The following GARRE1 variants were observed in gnomAD, a reference collection of about 807,000 sequenced individuals.
GARRE1 encodes the protein granule associated Rac and RHOG effector protein 1.
A neutral mutation model predicts 103.2 loss-of-function variants in GARRE1; 49 were observed. That is an observed-to-expected ratio of 0.47 (90% confidence interval 0.38 to 0.60). The LOEUF is 0.60. Ranked by LOEUF, GARRE1 falls within the 20% of genes least tolerant of loss-of-function variation. GARRE1 has a pLI of 0.00. For missense variants in GARRE1, 1,199 were observed against 1,370.5 expected, an observed-to-expected ratio of 0.87 and a Z score of 1.98; for synonymous variants, 505 against 532.8, an observed-to-expected ratio of 0.95 and a Z score of 0.72.
At chr19:34,347,803 G>A (rs1397824973) in intron 10 of GARRE1, 74 bp from the exon 11 acceptor site, 19 of 1,360,510 alleles carry the variant, frequency 1.4e-5, no homozygotes, top group East Asian at 2.7e-5. Context: ...TGACCAGCAC[G>A]TTAGCAAAGC....
chr19:34,340,282 A>T (rs1220695837), intron 9 of GARRE1, among the ~76,000 whole-genome samples: 1 of 152,112 alleles, frequency 6.6e-6, no homozygotes, highest in Non-Finnish European at 1.5e-5. Context: ...CTCAACTCAT[A>T]TTCTCCTTAT....
intron 8 of GARRE1, 25 bp from the exon 9 acceptor site, chr19:34,339,842 C>G (rs1276105110): frequency 6.2e-7 from 1 of 1,613,712 alleles, no homozygotes; most frequent in African/African-American, 1.3e-5. Flanking sequence ...GCAGCCAAGA[C>G]TAATGCAGCC....
At chr19:34,319,790 A>G in intron 2 of GARRE1, 117 bp from the exon 3 acceptor site, 3 of 872,692 alleles carry the variant, frequency 3.4e-6, no homozygotes, top group Non-Finnish European at 5.7e-6. Context: ...TTAACTTTGT[A>G]TGATTTTGGA....
chr19:34,281,488 A>G (rs974550588), intron 1 of GARRE1, among the ~76,000 whole-genome samples: 19 of 152,242 alleles, frequency 1.2e-4, no homozygotes, highest in African/African-American at 3.6e-4. Flanking sequence ...ACGTGGTTTC[A>G]CCATATTGGC....
chr19:34,318,042 T>C (rs934559427), intron 2 of GARRE1, among the ~76,000 whole-genome samples: 2 of 152,210 alleles, frequency 1.3e-5, no homozygotes, highest in Non-Finnish European at 2.9e-5. Flanking sequence ...TGTCGGTTGT[T>C]GTTCCCTCTG....
At chr19:34,297,368 G>A (rs2073953028) in intron 1 of GARRE1, among the ~76,000 whole-genome samples, 1 of 152,196 alleles carries the variant, frequency 6.6e-6, no homozygotes, top group Admixed American at 6.5e-5. Context: ...AGCATTATAA[G>A]TTTCATTTAG....
chr19:34,304,786 TTTTA>T (rs566523454), intron 2 of GARRE1, among the ~76,000 whole-genome samples: 2,202 of 151,548 alleles, frequency 0.015, 24 homozygotes, highest in South Asian at 0.026. Flanking sequence ...TATTTTTATT[TTTTA>T]TTTATTTATT....
intron 3 of GARRE1, among the ~76,000 whole-genome samples, chr19:34,324,197 C>T (rs1046049539): frequency 9.9e-5 from 15 of 152,158 alleles, no homozygotes; most frequent in Non-Finnish European, 2.2e-4. Context: ...CAGAAAAGTC[C>T]ACTCTGCCCT....
rs542448325 is a variant in GARRE1, at chr19:34,312,772, C to T, written c.496-7135C>T. Among the ~76,000 whole-genome samples, 28 of 152,034 alleles carry T rather than the reference C, an allele frequency of 1.8e-4. 1 individual carries two copies. The South Asian group carries it at 5.0e-3, about 27-fold the overall frequency. On this transcript the variant is annotated intron_variant, in intron 2 of 13. Coordinates refer to ENST00000299505, the MANE Select transcript of GARRE1 (RefSeq NM_014686.5). ...TGAAACCCCATCTGTAGTAAAAATA[C>T]AAAAATTAGCTGGGCATGATGGTGA...
chr19:34,333,217 T>A (rs966287491), intron 7 of GARRE1, among the ~76,000 whole-genome samples: 1 of 152,144 alleles, frequency 6.6e-6, no homozygotes, highest in African/African-American at 2.4e-5. Context: ...ACTTTTTGTA[T>A]TTTTAGTGGA....
chr19:34,324,765 T>G (rs560891608), intron 3 of GARRE1, among the ~76,000 whole-genome samples: 22 of 152,314 alleles, frequency 1.4e-4, no homozygotes, highest in Admixed American at 3.9e-4. Context: ...TAAATGCACT[T>G]GAATCCCTTT....
At chr19:34,309,056 A>G (rs942797100) in intron 2 of GARRE1, among the ~76,000 whole-genome samples, 3 of 149,808 alleles carry the variant, frequency 2.0e-5, no homozygotes, top group African/African-American at 7.3e-5. Context: ...TAATATTAAT[A>G]ATATTCTACT....
intron 1 of GARRE1, among the ~76,000 whole-genome samples, chr19:34,269,422 G>A (rs925785803): frequency 2.6e-5 from 4 of 152,162 alleles, no homozygotes; most frequent in African/African-American, 9.7e-5. Context: ...GCACTGATTA[G>A]AATGTTTATT....
At chr19:34,290,394 T>C (rs916659428) in intron 1 of GARRE1, among the ~76,000 whole-genome samples, 11 of 152,066 alleles carry the variant, frequency 7.2e-5, no homozygotes, top group Admixed American at 6.6e-4. Flanking sequence ...TTAATATTCC[T>C]AATGTACCAA....
At chr19:34,287,136 C>CAAAA (rs34541474) in intron 1 of GARRE1, among the ~76,000 whole-genome samples, 24 of 98,812 alleles carry the variant, frequency 2.4e-4, no homozygotes, top group South Asian at 6.7e-4. Flanking sequence ...AAGACTGTCT[C>CAAAA]AAAAAAAAAA....
At chr19:34,270,782 G>C (rs1249595662) in intron 1 of GARRE1, among the ~76,000 whole-genome samples, 1 of 152,198 alleles carries the variant, frequency 6.6e-6, no homozygotes, top group Non-Finnish European at 1.5e-5. Flanking sequence ...TTATACATTA[G>C]TTAACTTGAA....
At chr19:34,268,816 A>G (rs2073768194) in intron 1 of GARRE1, among the ~76,000 whole-genome samples, 1 of 152,196 alleles carries the variant, frequency 6.6e-6, no homozygotes, top group African/African-American at 2.4e-5. Flanking sequence ...AAGAAAAAAG[A>G]AATTGAATAT....
chr19:34,348,040 A>C lies in GARRE1; in HGVS notation c.2685A>C (p.Glu895Asp). 2 of 1,481,048 alleles carry C rather than the reference A, an allele frequency of 1.4e-6. No homozygotes were observed. Among genetic ancestry groups the C allele is most frequent in the Non-Finnish European group, 9.0e-7 (1 of 1,105,690 alleles). 91.7% of individuals were successfully genotyped at this position (1,481,048 alleles called of 1,614,324 possible). The change falls in exon 11 of 14, where the codon GAA becomes GAC. Residue 895 changes from glutamate to aspartate, a missense_variant and splice_region_variant. Glu to Asp is a conservative substitution (Grantham distance 45). Transcript: ENST00000299505. The stretch of plus-strand genomic sequence containing the variant: ...GGCCCTTCCCCGAGTTCTTCACAGA[A>C]GGGTGAGTGCTGGGTACTTCAGGGA... ...RTWPFPEFFT[E>D]GDGLHGGWSG...
intron 1 of GARRE1, among the ~76,000 whole-genome samples, chr19:34,275,394 T>C (rs2073811232): frequency 6.6e-6 from 1 of 152,118 alleles, no homozygotes; most frequent in East Asian, 1.9e-4. Context: ...TCATCCCTTA[T>C]TTCCCCCATT....
Sources: gnomAD v4.1 joint callset for allele counts (sites outside exome capture counted in the v4.1 genomes callset) on GRCh38, gnomAD v4.1.1 for gene constraint, MANE v1.5 for transcripts, NCBI Gene and HGNC (gene_info 2026-07-23, HGNC 2026-07-21) for gene names.